RABGAP1: variants seen among roughly 807,000 people sequenced by gnomAD.
RABGAP1 encodes the protein rab GTPase-activating protein 1.
RABGAP1 carries 23 observed loss-of-function variants against 137.6 expected under a neutral mutation model. That is an observed-to-expected ratio of 0.17 (90% CI 0.12 to 0.24). The LOEUF is 0.24. Among genes scored for constraint, RABGAP1 ranks in the 10% least tolerant of loss-of-function variants. The pLI is 1.00. For missense variants in RABGAP1, 906 were observed against 1,275.8 expected (o/e 0.71, Z 4.42); for synonymous variants, 451 against 450.7 (o/e 1.00, Z -0.01).
intron 13 of RABGAP1, among the ~76,000 whole-genome samples, chr9:123,054,577 A>G (rs770525827): frequency 9.9e-5 from 15 of 152,190 alleles, no homozygotes; most frequent in Admixed American, 1.3e-4. Flanking sequence ...ATAACTCAAT[A>G]TTGAGATGTT....
intron 15 of RABGAP1, chr9:123,071,515 A>T (rs2034355196): frequency 6.6e-6 from 1 of 152,266 alleles, no homozygotes; most frequent in Non-Finnish European, 1.5e-5. Flanking sequence ...AATAAGAGAC[A>T]TGGTCTCAAT....
At chr9:122,963,443 A>C (rs1322738548) in intron 2 of RABGAP1, among the ~76,000 whole-genome samples, 1 of 152,202 alleles carries the variant, frequency 6.6e-6, no homozygotes, top group African/African-American at 2.4e-5. Context: ...TCCAACCATA[A>C]GGGCAGGAAA....
At chr9:123,099,657 G>GAAA in intron 24 of RABGAP1, 108 bp downstream of exon 24, 1 of 891,418 alleles carries the variant, frequency 1.1e-6, no homozygotes, top group South Asian at 1.6e-5. Context: ...GAGAATCTAA[G>GAAA]CAATAAGGCA....
At position 122,990,082 on chromosome 9, in the gene RABGAP1, C is replaced by T. The variant is rs146982162; in HGVS notation, c.792C>T (p.Ala264=). 37 of 1,609,906 alleles carry T rather than the reference C, an allele frequency of 2.3e-5. No homozygotes were observed. In the East Asian group the frequency reaches 8.3e-4, roughly 36 times the overall value. Residue 264 remains alanine (A), a synonymous_variant, in exon 6 of 26, where the codon GCC becomes GCT. Coordinates refer to ENST00000373647, the MANE Select transcript of RABGAP1 (RefSeq NM_012197.4). ...TAAGCCGGATACTTTACAGTTTTGC[C>T]ACTGCCTTCCGCCGTTCTGCCAAGC... ...EAVSRILYSF[A]TAFRRSAKQT...
intron 21 of RABGAP1, among the ~76,000 whole-genome samples, chr9:123,096,895 C>G (rs2035201045): frequency 6.6e-6 from 1 of 152,130 alleles, no homozygotes; most frequent in Non-Finnish European, 1.5e-5. Context: ...GGACCCAGCT[C>G]TCTGGAACCT....
intron 13 of RABGAP1, among the ~76,000 whole-genome samples, chr9:123,041,303 A>G (rs928873576): frequency 6.6e-6 from 1 of 152,146 alleles, no homozygotes; most frequent in Non-Finnish European, 1.5e-5. Context: ...TCCAAAGCCT[A>G]TGTTCTTGCC....
At chr9:123,072,249 T>A (rs184626050) in intron 15 of RABGAP1, among the ~76,000 whole-genome samples, 6 of 152,324 alleles carry the variant, frequency 3.9e-5, no homozygotes, top group Non-Finnish European at 7.4e-5. Context: ...TATGGGTTGC[T>A]CAACCTGTAC....
At chr9:122,993,913 C>T (rs1836878113) in intron 6 of RABGAP1, among the ~76,000 whole-genome samples, 1 of 152,218 alleles carries the variant, frequency 6.6e-6, no homozygotes, top group East Asian at 1.9e-4. Flanking sequence ...ATCCACCTGC[C>T]TCGGCCTCCC....
intron 1 of RABGAP1, among the ~76,000 whole-genome samples, chr9:122,956,416 C>T (rs117010169): frequency 0.016 from 2,403 of 152,160 alleles, 35 homozygotes; most frequent in South Asian, 0.066. Context: ...GACGGTAGGC[C>T]GAGACCGGCG....
chr9:123,042,339 C>T (rs1245670584), intron 13 of RABGAP1, among the ~76,000 whole-genome samples: 2 of 152,066 alleles, frequency 1.3e-5, no homozygotes, highest in Non-Finnish European at 2.9e-5. Context: ...TAACAGACAG[C>T]CAGAGATAAT....
intron 13 of RABGAP1, among the ~76,000 whole-genome samples, chr9:123,060,762 TACA>T (rs1350217587): frequency 6.6e-6 from 1 of 152,218 alleles, no homozygotes; most frequent in Non-Finnish European, 1.5e-5. Context: ...TATATACCAC[TACA>T]ATTACAGGGT....
chr9:123,084,476 A>G (rs544632555), intron 19 of RABGAP1, among the ~76,000 whole-genome samples: 41 of 152,284 alleles, frequency 2.7e-4, no homozygotes, highest in African/African-American at 7.2e-4. Context: ...CTAATGTTCA[A>G]CCTCCCACTT....
intron 20 of RABGAP1, 83 bp downstream of exon 20, chr9:123,089,933 C>A: frequency 8.1e-7 from 1 of 1,229,094 alleles, no homozygotes; most frequent in South Asian, 1.3e-5. Flanking sequence ...TTTATTGAGT[C>A]CTTTTTAAAA....
At position 123,030,191 on chromosome 9, in the gene RABGAP1, A is replaced by G. The variant is rs140005643; in HGVS notation, c.1794+9732A>G. On this transcript the variant is annotated intron_variant, in intron 13 of 25. Coordinates refer to ENST00000373647, the MANE Select transcript of RABGAP1 (RefSeq NM_012197.4). ...TGTTCTGTAAGAGGTTTTAACTGACATTTTGGGAGTCCATTTTGAGTTAGA... is the reference window on the plus strand; with the variant it reads ...TGTTCTGTAAGAGGTTTTAACTGACGTTTTGGGAGTCCATTTTGAGTTAGA... 1.1e-3 allele frequency among the ~76,000 whole-genome samples: 160 copies of G among 150,042 alleles called. 1 individual carries two copies. In the East Asian group the frequency reaches 0.027, roughly 25 times the overall value.
chr9:123,043,010 T>C (rs971052800), intron 13 of RABGAP1, among the ~76,000 whole-genome samples: 1 of 152,072 alleles, frequency 6.6e-6, no homozygotes, highest in African/African-American at 2.4e-5. Flanking sequence ...TAGAAGATAA[T>C]GGGTAATAGC....
chr9:123,018,978 C>T (rs7865614), intron 12 of RABGAP1, among the ~76,000 whole-genome samples: 16,588 of 152,180 alleles, frequency 0.11, 2,920 homozygotes, highest in African/African-American at 0.37. Context: ...AGGACTACCT[C>T]AGTCATTTAA....
chr9:122,939,720 A>T (rs1232289049), upstream of RABGAP1: 1 of 152,192 alleles, frequency 6.6e-6, no homozygotes, highest in Non-Finnish European at 1.5e-5. Flanking sequence ...CTAATACTTT[A>T]TTCTTTGAAT....
intron 13 of RABGAP1, among the ~76,000 whole-genome samples, chr9:123,053,002 A>G (rs757443543): frequency 2.4e-4 from 36 of 152,348 alleles, no homozygotes; most frequent in Non-Finnish European, 4.3e-4. Context: ...ATGGAAACCC[A>G]TAAGTCTGTT....
At chr9:123,092,366 T>C (rs2035055980) in intron 21 of RABGAP1, among the ~76,000 whole-genome samples, 1 of 152,256 alleles carries the variant, frequency 6.6e-6, no homozygotes, top group East Asian at 1.9e-4. Flanking sequence ...TGATGATTTG[T>C]GGTGCTAGGC....
Sources: allele counts gnomAD v4.1 joint callset (sites outside exome capture counted in the v4.1 genomes callset), GRCh38; gene constraint gnomAD v4.1.1; transcripts MANE v1.5; gene names NCBI Gene and HGNC (gene_info 2026-07-23, HGNC 2026-07-21).